Variants in VWC2 observed in about 807,000 individuals in gnomAD.
VWC2 encodes the protein brorin.
Under a neutral mutation model 29.8 loss-of-function variants are expected in VWC2, and 14 were observed. The observed-to-expected ratio is 0.47, with a 90% CI of 0.31 to 0.74. VWC2 has a LOEUF of 0.74. Among genes scored for constraint, VWC2 ranks in the 30% least tolerant of loss-of-function variants. VWC2 has a pLI of 0.05. For synonymous variants in VWC2, 213 were observed against 199.0 expected (o/e 1.07, Z -0.59); for missense variants, 457 against 459.8 (o/e 0.99, Z 0.05).
At chr7:49,856,832 AC>A (rs1269632375) in intron 3 of VWC2, among the ~76,000 whole-genome samples, 2 of 151,734 alleles carry the variant, frequency 1.3e-5, no homozygotes, top group Non-Finnish European at 2.9e-5. Flanking sequence ...ACACGGTGAA[AC>A]CCCATCTCTA....
rs1790969843 is a variant in VWC2 at position 49,867,828 on chromosome 7, T to G, written c.827-44206T>G. On this transcript the variant is annotated intron_variant, in intron 3 of 3. Coordinates refer to ENST00000340652, the MANE Select transcript of VWC2 (RefSeq NM_198570.5). Reference sequence around the variant, plus strand: ...AAGTTACATTATTTTCTATTTTTTATTTTATTATTTTATTTTATTTTTTGA... The same window carrying G: ...AAGTTACATTATTTTCTATTTTTTAGTTTATTATTTTATTTTATTTTTTGA... Among the ~76,000 whole-genome samples the G allele has an allele frequency of 3.1e-5, 3 of 96,944 alleles. No homozygotes were observed. The South Asian group carries it at 8.9e-4, about 29-fold the overall frequency. 63.6% of individuals were successfully genotyped at this position (96,944 alleles called of 152,430 possible).
At position 49,912,219 on chromosome 7, in the gene VWC2, A is replaced by G; in HGVS notation, c.*34A>G. 6.2e-7 allele frequency: 1 copy of G among 1,611,956 alleles called. No homozygotes were observed. The highest frequency in any genetic ancestry group is 8.5e-7 in the Non-Finnish European group (1 of 1,178,696). ...CAGAACACAAACTCTGACTTTTTCT[A>G]GAACATTTTACTGATGTGAACATTC... On this transcript the variant is annotated 3_prime_UTR_variant, in exon 4 of 4. Coordinates refer to ENST00000340652, the MANE Select transcript of VWC2 (RefSeq NM_198570.5).
intron 2 of VWC2, among the ~76,000 whole-genome samples, chr7:49,788,296 G>A (rs893988071): frequency 2.2e-4 from 33 of 152,202 alleles, no homozygotes; most frequent in African/African-American, 7.7e-4. Context: ...TTGGGGGTGC[G>A]AGCAGGGCTG....
intron 3 of VWC2, among the ~76,000 whole-genome samples, chr7:49,895,876 A>G (rs1792363561): frequency 6.6e-6 from 1 of 152,206 alleles, no homozygotes; most frequent in Admixed American, 6.5e-5. Context: ...GGTTACTTGC[A>G]TTGAGTAATT....
intron 3 of VWC2, among the ~76,000 whole-genome samples, chr7:49,810,509 G>A (rs552896978): frequency 1.3e-5 from 2 of 152,188 alleles, no homozygotes; most frequent in East Asian, 1.9e-4. Context: ...CCCAGCATAC[G>A]TTTTTTGTAG....
intron 3 of VWC2, among the ~76,000 whole-genome samples, chr7:49,846,861 C>T (rs774209413): frequency 2.0e-5 from 3 of 152,208 alleles, no homozygotes; most frequent in African/African-American, 2.4e-5. Flanking sequence ...ATCACTCTGA[C>T]ACCTTGGCAG....
At chr7:49,904,258 A>G (rs1463936524) in intron 3 of VWC2, among the ~76,000 whole-genome samples, 2 of 151,408 alleles carry the variant, frequency 1.3e-5, no homozygotes, top group Non-Finnish European at 2.9e-5. Flanking sequence ...TTTACCGAGG[A>G]CTCCCATACC....
chr7:49,816,735 C>T (rs1789155950), intron 3 of VWC2, among the ~76,000 whole-genome samples: 1 of 152,226 alleles, frequency 6.6e-6, no homozygotes, highest in Admixed American at 6.5e-5. Flanking sequence ...GTGTTCTGAA[C>T]TGTCAAGTTA....
intron 3 of VWC2, among the ~76,000 whole-genome samples, chr7:49,852,705 C>A (rs1790230806): frequency 6.6e-6 from 1 of 152,154 alleles, no homozygotes; most frequent in Non-Finnish European, 1.5e-5. Context: ...ACGGGCCTTG[C>A]TCCTACAGAT....
At chr7:49,797,193 TCA>T (rs1788612168) in intron 2 of VWC2, among the ~76,000 whole-genome samples, 6 of 152,344 alleles carry the variant, frequency 3.9e-5, no homozygotes, top group African/African-American at 1.4e-4. Flanking sequence ...CCTCTGCTAG[TCA>T]TAACTCTGAG....
intron 3 of VWC2, among the ~76,000 whole-genome samples, chr7:49,805,458 A>G (rs1333875380): frequency 6.6e-6 from 1 of 152,218 alleles, no homozygotes; most frequent in Middle Eastern, 3.2e-3. Flanking sequence ...CTAATCATGC[A>G]CATACAATTA....
chr7:49,855,944 C>T (rs1384729438), intron 3 of VWC2, among the ~76,000 whole-genome samples: 1 of 152,214 alleles, frequency 6.6e-6, no homozygotes, highest in Non-Finnish European at 1.5e-5. Context: ...CACTGAGAGA[C>T]ACTAAGCCCC....
chr7:49,831,199 C>T (rs1262132095), intron 3 of VWC2, among the ~76,000 whole-genome samples: 1 of 152,200 alleles, frequency 6.6e-6, no homozygotes, highest in African/African-American at 2.4e-5. Flanking sequence ...TGCTCTTCTC[C>T]TAAGGGCTTA....
intron 3 of VWC2, among the ~76,000 whole-genome samples, chr7:49,836,293 T>G (rs1404826028): frequency 1.3e-5 from 2 of 152,042 alleles, no homozygotes; most frequent in African/African-American, 4.8e-5. Context: ...TACACTTAAA[T>G]TTTTGGTCTG....
intron 3 of VWC2, among the ~76,000 whole-genome samples, chr7:49,881,744 T>C (rs369543310): frequency 2.0e-5 from 3 of 152,314 alleles, no homozygotes; most frequent in East Asian, 3.9e-4. Context: ...TGATAGGCAA[T>C]TCATCTCTTT....
chr7:49,786,883 G>A (rs1306962865), intron 2 of VWC2, among the ~76,000 whole-genome samples: 2 of 152,154 alleles, frequency 1.3e-5, no homozygotes, highest in Non-Finnish European at 2.9e-5. Flanking sequence ...GTGGACCTTT[G>A]TTGGATGCAT....
chr7:49,802,485 T>A (rs1583637463), intron 2 of VWC2, among the ~76,000 whole-genome samples: 1 of 151,828 alleles, frequency 6.6e-6, no homozygotes, highest in Admixed American at 6.6e-5. Flanking sequence ...AAAAAACACA[T>A]AAATTAGCCA....
intron 3 of VWC2, among the ~76,000 whole-genome samples, chr7:49,823,302 G>A (rs77206533): frequency 6.6e-6 from 1 of 152,114 alleles, no homozygotes; most frequent in Non-Finnish European, 1.5e-5. Flanking sequence ...TCCAGGGACA[G>A]GGTAAAAGCA....
chr7:49,882,864 TTTGTTGTTG>T (rs201572339), intron 3 of VWC2, among the ~76,000 whole-genome samples: 4 of 151,902 alleles, frequency 2.6e-5, no homozygotes, highest in African/African-American at 4.8e-5. Context: ...TTTTTTTGTT[TTTGTTGTTG>T]TTGTTGTTGT....
Sources: allele counts gnomAD v4.1 joint callset (sites outside exome capture counted in the v4.1 genomes callset), GRCh38; gene constraint gnomAD v4.1.1; transcripts MANE v1.5; gene names NCBI Gene and HGNC (gene_info 2026-07-23, HGNC 2026-07-21).